Variants in ANPEP observed in about 807,000 individuals in gnomAD.
ANPEP encodes aminopeptidase N.
ANPEP carries 70 observed loss-of-function variants against 114.6 expected under a neutral mutation model. That is an observed-to-expected ratio of 0.61 (90% CI 0.50 to 0.75). The LOEUF (loss-of-function observed/expected upper bound fraction) is 0.75. ANPEP is among the 30% of genes least tolerant of loss of function. The pLI is 0.00. For missense variants in ANPEP, 1,184 were observed against 1,259.5 expected, an observed-to-expected ratio of 0.94 and a Z score of 0.91; for synonymous variants, 548 against 522.3, an observed-to-expected ratio of 1.05 and a Z score of -0.67.
chr15:89,790,350 T>A, intron 20 of ANPEP, 110 bp downstream of exon 20: 1 of 908,568 alleles, frequency 1.1e-6, no homozygotes, highest in Non-Finnish European at 1.8e-6. Context: ...GAGGAAGGCC[T>A]GGCGGCGTGG....
chr15:89,804,972 A>C, intron 4 of ANPEP, 106 bp downstream of exon 4: 1 of 1,520,848 alleles, frequency 6.6e-7, no homozygotes, highest in Non-Finnish European at 9.0e-7. Flanking sequence ...GTGGGATTCC[A>C]ACCCTGGCCT....
chr15:89,810,409 T>A (rs534177413), intron 1 of ANPEP, among the ~76,000 whole-genome samples: 4 of 124,568 alleles, frequency 3.2e-5, no homozygotes, highest in Non-Finnish European at 6.9e-5. Context: ...AATAAATAAA[T>A]AAAAATACAA....
rs367803296 is a variant in ANPEP, at chr15:89,793,032, C to G, written c.2249+3G>C. On this transcript the variant is annotated splice_donor_region_variant and intron_variant, in intron 16 of 20. Transcript: ENST00000300060. ...TTCCAAACCCATGAGAGCTCCCACT[C>G]ACTGGTCCATCAGGTTTTCTGGGAT... 5.6e-6 allele frequency: 9 copies of G among 1,613,114 alleles called. No homozygotes were observed. Among genetic ancestry groups the G allele is most frequent in the African/African-American group, 2.7e-5 (2 of 74,886 alleles).
chr15:89,802,435 G>C (rs1449030586), intron 10 of ANPEP: 1 of 152,368 alleles, frequency 6.6e-6, no homozygotes, highest in African/African-American at 2.4e-5. Context: ...ACAAGATCCT[G>C]GGTCTCGCTT....
intron 15 of ANPEP, chr15:89,797,350 A>G (rs1377499696): frequency 1.9e-6 from 1 of 531,576 alleles, no homozygotes; most frequent in Non-Finnish European, 3.1e-6. Flanking sequence ...TCACCTCCTC[A>G]GTGCCTGCTC....
chr15:89,811,995 G>A (rs932432804), intron 1 of ANPEP, among the ~76,000 whole-genome samples: 5 of 152,224 alleles, frequency 3.3e-5, no homozygotes, highest in African/African-American at 9.6e-5. Context: ...AAAACATGAA[G>A]GTTGACAACG....
At position 89,803,179 on chromosome 15, in the gene ANPEP, G is replaced by A. The variant is rs557023168; in HGVS notation, c.1569+60C>T. ...TCTCTTACGCATGTGCTGCCCCCAG[G>A]TACCTTCAGCATCTCAAGACCCCAA... On this transcript the variant is annotated intron_variant, in intron 10 of 20. Coordinates refer to ENST00000300060, the MANE Select transcript of ANPEP (RefSeq NM_001150.3). The surrounding 1 kb of genome is among the most constrained non-coding windows in gnomAD (Gnocchi z 4.2). 1.3e-6 allele frequency: 2 copies of A among 1,559,930 alleles called. No homozygotes were observed. The highest frequency in any genetic ancestry group is 1.1e-5 in the South Asian group (1 of 89,972).
intron 15 of ANPEP, among the ~76,000 whole-genome samples, chr15:89,796,856 T>G (rs547773278): frequency 6.6e-6 from 1 of 152,300 alleles, no homozygotes; most frequent in East Asian, 1.9e-4. Flanking sequence ...AATGACTACA[T>G]ATCACACCCT....
intron 6 of ANPEP, 60 bp downstream of exon 6, chr15:89,804,193 G>A: frequency 6.2e-7 from 1 of 1,603,440 alleles, no homozygotes; most frequent in Non-Finnish European, 8.5e-7. Context: ...GCCTGGACTT[G>A]CGCCGTCTCC....
In ANPEP at chr15:89,809,856, T is replaced by C. The variant is rs1894787339; in HGVS notation, c.-223-3050A>G. On this transcript the variant is annotated intron_variant, in intron 1 of 20. Transcript: ENST00000300060. ...GGCCTGTCCTCTTTCTACTGCCCAC[T>C]GTGGCTCCAGCTGCCAGCGTCTCCC... 3.3e-5 allele frequency among the ~76,000 whole-genome samples: 5 copies of C among 152,364 alleles called. No individual in the cohort carries two copies. The South Asian group carries it at 1.0e-3, about 32-fold the overall frequency.
At chr15:89,804,221 C>T (rs771896484) in intron 6 of ANPEP, 32 bp downstream of exon 6, 1 of 1,612,162 alleles carries the variant, frequency 6.2e-7, no homozygotes, top group Non-Finnish European at 8.5e-7. Flanking sequence ...GCCCCTGTTT[C>T]CTTCTCCGCA....
Position 89,806,061 on chromosome 15 carries a change from G to A in ANPEP, c.523C>T (p.Gln175Ter), listed in dbSNP as rs1274504083. 1 of 1,613,890 alleles carries A rather than the reference G, an allele frequency of 6.2e-7. No homozygotes were observed. The highest frequency in any genetic ancestry group is 8.5e-7 in the Non-Finnish European group (1 of 1,179,872). ...HLKGSLVKDS[Q>*]YEMDSEFEGE... ...TCGAACTCGCTGTCCATCTCATACT[G>A]GCTGTCCTTCACCAGGGAGCCCTTG... is the stretch of plus-strand genomic sequence containing the variant. Residue 175 changes from glutamine (Q) to a stop codon, truncating the protein, a stop_gained, in exon 2 of 21, where the codon CAG becomes TAG. Coordinates refer to ENST00000300060, the MANE Select transcript of ANPEP (RefSeq NM_001150.3). LOFTEE classifies it high-confidence loss of function. This position sits in a 1 kb window ranked among gnomAD's most constrained non-coding sequence, Gnocchi z 5.7.
rs113585882 is a variant in ANPEP, at chr15:89,813,365, G to A, written c.-224+1407C>T. 2.9e-3 allele frequency among the ~76,000 whole-genome samples: 435 copies of A among 152,330 alleles called. 4 individuals carry two copies. The highest frequency in any genetic ancestry group is 1.0e-2 in the African/African-American group (414 of 41,574). On this transcript the variant is annotated intron_variant, in intron 1 of 20. Transcript: ENST00000300060. The stretch of plus-strand genomic sequence containing the variant: ...TAGCTTAAAGGCTGTAGGGGTGTAA[G>A]GAGCGCCAGCGTGTAACGAAGGTCT...
At chr15:89,793,602 C>T (rs570771761) in intron 15 of ANPEP, among the ~76,000 whole-genome samples, 1 of 150,014 alleles carries the variant, frequency 6.7e-6, no homozygotes, top group Non-Finnish European at 1.5e-5. Context: ...ACTTGGGAGG[C>T]TGAGGCAGGA....
Position 89,803,396 on chromosome 15 carries a change from CAGA to C in ANPEP, c.1503+43_1503+45del, listed in dbSNP as rs780598722. The stretch of plus-strand genomic sequence containing the variant: ...AGAGGCCCGGGTCAAGGGCGAGGGG[CAGA>C]AGGAGACCCACCCTCATGGCTGGCC... On this transcript the variant is annotated intron_variant, in intron 9 of 20. Transcript: ENST00000300060. This position sits in a 1 kb window ranked among gnomAD's most constrained non-coding sequence, Gnocchi z 4.2. The C allele has an allele frequency of 1.9e-5, 30 of 1,612,664 alleles. No individual in the cohort carries two copies. The East Asian group carries it at 4.9e-4, about 26-fold the overall frequency.
chr15:89,813,689 C>G (rs1302951621), intron 1 of ANPEP, among the ~76,000 whole-genome samples: 1 of 152,172 alleles, frequency 6.6e-6, no homozygotes, highest in Admixed American at 6.5e-5. Flanking sequence ...CCCACTTCCT[C>G]CTGGTCACCC....
chr15:89,791,186 C>A, intron 18 of ANPEP, 93 bp from the exon 19 acceptor site: 1 of 1,409,016 alleles, frequency 7.1e-7, no homozygotes, highest in Non-Finnish European at 9.8e-7. Flanking sequence ...ATGCCTGCAT[C>A]CTCTCAACAT....
intron 14 of ANPEP, 52 bp from the exon 15 acceptor site, chr15:89,797,774 C>T: frequency 6.2e-7 from 1 of 1,610,350 alleles, no homozygotes; most frequent in African/African-American, 1.3e-5. Context: ...AGCCCAGCCA[C>T]AGCCTGGGAA....
At chr15:89,789,417 T>C (rs1968571905) in intron 20 of ANPEP, among the ~76,000 whole-genome samples, 1 of 152,212 alleles carries the variant, frequency 6.6e-6, no homozygotes, top group South Asian at 2.1e-4. Flanking sequence ...GCCTTGGGTA[T>C]ATGATAGTAA....
Sources: gnomAD v4.1 joint callset for allele counts (sites outside exome capture counted in the v4.1 genomes callset) on GRCh38, gnomAD v4.1.1 for gene constraint, Gnocchi (gnomAD v3.1) non-coding constraint, MANE v1.5 for transcripts, NCBI Gene and HGNC (gene_info 2026-07-23, HGNC 2026-07-21) for gene names.